Variants in ZNF138 observed in about 807,000 individuals in gnomAD.
ZNF138 encodes the protein zinc finger protein 138.
ZNF138 carries 33 observed loss-of-function variants against 33.0 expected under a neutral mutation model. The ratio of observed to expected loss-of-function variants is 1.00; its 90% CI spans 0.76 to 1.34. The LOEUF (loss-of-function observed/expected upper bound fraction) is 1.34, where lower values mean the gene tolerates loss of function less well. Among genes scored for constraint, ZNF138 ranks in the 40% most tolerant of loss-of-function variants. ZNF138 has a pLI of 0.00. For missense variants in ZNF138, 360 were observed against 370.8 expected (o/e 0.97, Z 0.24); for synonymous variants, 139 against 120.4 (o/e 1.15, Z -1.01).
chr7:64,849,251 G>GC, the ZNF138 span, among the ~76,000 whole-genome samples: 1 of 152,148 alleles, frequency 6.6e-6, no homozygotes, highest in African/African-American at 2.4e-5. Context: ...AGGTCTCCAG[G>GC]CTGGTACTGG....
chr7:64,814,889 G>A, intron 1 of ZNF138, 29 bp from the exon 2 acceptor site: 1 of 1,611,324 alleles, frequency 6.2e-7, no homozygotes, highest in Non-Finnish European at 8.5e-7. Context: ...GTTAATGTGT[G>A]TGTGTGTTTG....
chr7:64,800,748 A>G (rs139106468), intron 1 of ZNF138, among the ~76,000 whole-genome samples: 1,975 of 152,258 alleles, frequency 0.013, 42 homozygotes, highest in African/African-American at 0.045. Context: ...ATAGTTTTAG[A>G]AAGAATGGTA....
At chr7:64,821,323 T>C (rs1789129788) in intron 3 of ZNF138, among the ~76,000 whole-genome samples, 1 of 151,222 alleles carries the variant, frequency 6.6e-6, no homozygotes, top group African/African-American at 2.5e-5. Context: ...TCTCGTGACA[T>C]TGTGATCCAC....
At chr7:64,849,853 A>C in the ZNF138 span, among the ~76,000 whole-genome samples, 2 of 152,128 alleles carry the variant, frequency 1.3e-5, no homozygotes, top group Non-Finnish European at 2.9e-5. Flanking sequence ...GAACAGAGCT[A>C]AGAACTTGCC....
At chr7:64,810,789 T>C (rs2128997059) in intron 1 of ZNF138, among the ~76,000 whole-genome samples, 1 of 152,190 alleles carries the variant, frequency 6.6e-6, no homozygotes, top group East Asian at 1.9e-4. Flanking sequence ...CACCCTGGAG[T>C]CTTGCCTCAC....
the ZNF138 span, chr7:64,852,721 C>T: frequency 3.7e-6 from 4 of 1,087,516 alleles, no homozygotes; most frequent in Non-Finnish European, 5.7e-6. Flanking sequence ...TATCCAGCCA[C>T]TGATGCACAG....
intron 3 of ZNF138, among the ~76,000 whole-genome samples, chr7:64,827,232 GT>G (rs1789697501): frequency 6.8e-6 from 1 of 146,292 alleles, no homozygotes; most frequent in Non-Finnish European, 1.5e-5. Context: ...ATGAGCCACT[GT>G]GCTTGGCCAC....
intron 1 of ZNF138, among the ~76,000 whole-genome samples, chr7:64,795,802 C>G (rs1413043993): frequency 6.6e-6 from 1 of 151,400 alleles, no homozygotes; most frequent in African/African-American, 2.4e-5. Context: ...CAGTTTTTTC[C>G]TTGGTCCTGG....
intron 1 of ZNF138, among the ~76,000 whole-genome samples, chr7:64,800,664 C>G (rs1183165876): frequency 1.3e-5 from 2 of 152,098 alleles, no homozygotes; most frequent in Non-Finnish European, 2.9e-5. Context: ...ATATCTGTGT[C>G]AGGTTTTGGT....
chr7:64,814,219 G>T (rs955152025), intron 1 of ZNF138: 6 of 834,440 alleles, frequency 7.2e-6, no homozygotes, highest in Non-Finnish European at 9.1e-6. Flanking sequence ...GCATTAACCA[G>T]ATCTCGAGTT....
chr7:64,853,898 A>G, the ZNF138 span, among the ~76,000 whole-genome samples: 5 of 151,958 alleles, frequency 3.3e-5, no homozygotes, highest in African/African-American at 9.7e-5. Flanking sequence ...TTAGTATAAC[A>G]ATAAAAACCA....
At chr7:64,794,668 G>C in intron 1 of ZNF138, 97 bp downstream of exon 1, 2 of 1,575,334 alleles carry the variant, frequency 1.3e-6, no homozygotes, top group Non-Finnish European at 1.7e-6. Flanking sequence ...TCCCGCAGTC[G>C]GCTGCAAAAT....
chr7:64,825,154 C>CTT lies in ZNF138; in HGVS notation c.209-6262_209-6261dup, dbSNP rs71061316. On this transcript the variant is annotated intron_variant, in intron 3 of 3. Coordinates refer to ENST00000307355, the MANE Select transcript of ZNF138 (RefSeq NM_001271639.2). ...TCTTGTAGGCCGCATGTTGTATGCT[C>CTT]TTTTTTTTTTTTTTTTTTTTTTTTT... 4.3e-4 allele frequency among the ~76,000 whole-genome samples: 20 copies of CTT among 46,020 alleles called. 6 individuals carry two copies. The highest frequency in any genetic ancestry group is 3.4e-3 in the East Asian group (4 of 1,182). 30.2% of individuals were successfully genotyped at this position (46,020 alleles called of 152,430 possible).
chr7:64,842,452 C>T, the ZNF138 span, among the ~76,000 whole-genome samples: 1 of 152,102 alleles, frequency 6.6e-6, no homozygotes, highest in Non-Finnish European at 1.5e-5. Context: ...ATTTCTTGTC[C>T]ATATTGATAT....
chr7:64,860,445 C>G, the ZNF138 span, among the ~76,000 whole-genome samples: 4 of 152,120 alleles, frequency 2.6e-5, no homozygotes, highest in East Asian at 7.7e-4. Flanking sequence ...CTTCCCCAGC[C>G]TCTGTTACGT....
intron 1 of ZNF138, among the ~76,000 whole-genome samples, chr7:64,803,410 G>A (rs2128988344): frequency 6.6e-6 from 1 of 152,242 alleles, no homozygotes; most frequent in Non-Finnish European, 1.5e-5. Context: ...AAGATACCAA[G>A]TAAGCTCCTT....
At chr7:64,836,992 C>T (rs941222086), downstream of ZNF138, 7 of 152,310 alleles carry the variant, frequency 4.6e-5, no homozygotes, top group Middle Eastern at 6.8e-3. Context: ...AGCCTTGCCA[C>T]ACCAGTTCGT....
chr7:64,842,673 T>A, the ZNF138 span, among the ~76,000 whole-genome samples: 1 of 152,206 alleles, frequency 6.6e-6, no homozygotes, highest in South Asian at 2.1e-4. Flanking sequence ...GTCATAAGTC[T>A]GTAAGCAACA....
chr7:64,826,631 C>G (rs1789638935), intron 3 of ZNF138, among the ~76,000 whole-genome samples: 1 of 150,590 alleles, frequency 6.6e-6, no homozygotes, highest in African/African-American at 2.4e-5. Context: ...TTCATTTAAC[C>G]TTTTTTTAAA....
Sources: gnomAD v4.1 joint callset for allele counts (sites outside exome capture counted in the v4.1 genomes callset) on GRCh38, gnomAD v4.1.1 for gene constraint, MANE v1.5 for transcripts, NCBI Gene and HGNC (gene_info 2026-07-23, HGNC 2026-07-21) for gene names.